Variants in ETNPPL observed in about 807,000 individuals in gnomAD.
ETNPPL encodes ethanolamine-phosphate phospho-lyase, also known as alanine--glyoxylate aminotransferase 2-like 1.
In ETNPPL, 30 loss-of-function variants were observed where a neutral mutation model predicts 55.5. The observed-to-expected ratio is 0.54, with a 90% CI of 0.40 to 0.73. ETNPPL has a LOEUF of 0.73. ETNPPL is among the 30% of genes least tolerant of loss of function. The pLI, the probability that ETNPPL is intolerant of heterozygous loss-of-function variation, is 0.00. For missense variants in ETNPPL, 528 were observed against 607.9 expected (o/e 0.87, Z 1.38); for synonymous variants, 202 against 207.2 (o/e 0.98, Z 0.21).
chr4:108,745,057 A>G (rs1728404907), intron 11 of ETNPPL, among the ~76,000 whole-genome samples: 1 of 152,190 alleles, frequency 6.6e-6, no homozygotes, highest in South Asian at 2.1e-4. Flanking sequence ...TAACTAAAGC[A>G]AAAACGACAA....
Position 108,752,929 on chromosome 4 carries a change from T to G in ETNPPL, c.584A>C (p.Lys195Thr). Residue 195 changes from lysine to threonine, a missense_variant, in exon 6 of 13, where the codon AAA becomes ACA. Lys to Thr is a moderately conservative substitution (Grantham distance 78, BLOSUM62 -1). Transcript: ENST00000296486. ...SASAYADEVKKIIEDAHNSGR... is the reference protein window; with the variant it reads ...SASAYADEVKTIIEDAHNSGR... ...ACTGTTATGAGCATCTTCAATGATT[T>G]TCTTCACTTCATCTGCATAAGCACT... 6.2e-7 allele frequency: 1 copy of G among 1,610,834 alleles called. No homozygotes were observed. Among genetic ancestry groups the G allele is most frequent in the Non-Finnish European group, 8.5e-7 (1 of 1,177,448 alleles).
chr4:108,758,638 A>T (rs1729344936), intron 3 of ETNPPL, among the ~76,000 whole-genome samples: 1 of 152,296 alleles, frequency 6.6e-6, no homozygotes, highest in South Asian at 2.1e-4. Flanking sequence ...AGGCAGCCCG[A>T]GGTGCCTGCC....
At chr4:108,749,572 C>A (rs1728798749) in intron 7 of ETNPPL, 109 bp from the exon 8 acceptor site, 2 of 764,900 alleles carry the variant, frequency 2.6e-6, no homozygotes, top group Admixed American at 2.7e-5. Flanking sequence ...TAACCTGAAG[C>A]CTTAATTTTT....
intron 3 of ETNPPL, among the ~76,000 whole-genome samples, chr4:108,757,789 A>C (rs1729287910): frequency 6.6e-6 from 1 of 151,798 alleles, no homozygotes; most frequent in South Asian, 2.1e-4. Context: ...AAATACAAAA[A>C]TTAGCCCAGG....
In ETNPPL at chr4:108,763,027, C is replaced by T; in HGVS notation, c.-129G>A. On this transcript the variant is annotated 5_prime_UTR_variant, in exon 1 of 13. Transcript: ENST00000296486. The stretch of plus-strand genomic sequence containing the variant: ...TTATCCCTCCTGGCGTTCTCTTGCC[C>T]GGGGCGTCGGAGGTCACCGGTGGCG... 1.2e-6 allele frequency: 1 copy of T among 800,324 alleles called. No individual in the cohort carries two copies. Among genetic ancestry groups the T allele is most frequent in the South Asian group, 1.6e-5 (1 of 62,804 alleles). 49.6% of individuals were successfully genotyped at this position (800,324 alleles called of 1,614,324 possible).
chr4:108,744,053 G>A (rs957738051), intron 11 of ETNPPL, among the ~76,000 whole-genome samples, 197 bp from the exon 12 acceptor site: 5 of 152,238 alleles, frequency 3.3e-5, no homozygotes, highest in Admixed American at 2.6e-4. Flanking sequence ...ACAAGGTCAG[G>A]AGTTTGAGAC....
At chr4:108,762,807 C>G in intron 1 of ETNPPL, 36 bp downstream of exon 1, 2 of 1,611,350 alleles carry the variant, frequency 1.2e-6, no homozygotes, top group South Asian at 1.1e-5. Context: ...TTATTGCCCC[C>G]TCTCTGCACT....
intron 7 of ETNPPL, 124 bp downstream of exon 7, chr4:108,750,812 C>A (rs1305339031): frequency 5.4e-5 from 38 of 708,946 alleles, no homozygotes; most frequent in Non-Finnish European, 9.6e-5. Context: ...GGTTGGCAGG[C>A]ACTCAGGTGT....
intron 4 of ETNPPL, among the ~76,000 whole-genome samples, chr4:108,755,309 A>G (rs1013587219): frequency 1.3e-5 from 2 of 152,186 alleles, no homozygotes; most frequent in Non-Finnish European, 2.9e-5. Context: ...TTAACTCAAC[A>G]TGGATTAAAG....
chr4:108,756,466 C>A lies in ETNPPL; in HGVS notation c.362G>T (p.Arg121Leu). 2 of 1,613,990 alleles carry A rather than the reference C, an allele frequency of 1.2e-6. No individual in the cohort carries two copies. The highest frequency in any genetic ancestry group is 1.7e-6 in the Non-Finnish European group (2 of 1,179,878). ...SGSEANDLAL[R>L]LARQFRGHQD... is the part of the protein sequence containing the mutation. ...GTGGCCTCTGAACTGCCGAGCCAGG[C>A]GTAAGGCTAAGTCGTTGGCTTCGGA... The change falls in exon 4 of 13, where the codon CGC (arginine) becomes CTC (leucine). Residue 121 changes from arginine to leucine, a missense_variant. Transcript: ENST00000296486.
Position 108,742,280 on chromosome 4 carries a change from T to C in ETNPPL, c.*204A>G, listed in dbSNP as rs1361211750. ...TAGCTTCAGAAATCAACTAAGAAAA[T>C]TAACAGGCTAGAGTCTGAACTAATA... On this transcript the variant is annotated 3_prime_UTR_variant, in exon 13 of 13. Coordinates refer to ENST00000296486, the MANE Select transcript of ETNPPL (RefSeq NM_031279.4). 5.2e-5 allele frequency: 21 copies of C among 406,270 alleles called. No individual in the cohort carries two copies. Among genetic ancestry groups the C allele is most frequent in the Non-Finnish European group, 8.3e-5 (19 of 228,054 alleles). 25.2% of individuals were successfully genotyped at this position (406,270 alleles called of 1,614,324 possible).
intron 5 of ETNPPL, 119 bp downstream of exon 5, chr4:108,754,501 A>G: frequency 1.6e-6 from 1 of 641,198 alleles, no homozygotes; most frequent in South Asian, 2.0e-5. Context: ...AGCAAGCCAC[A>G]TAACTGCTCT....
intron 8 of ETNPPL, among the ~76,000 whole-genome samples, chr4:108,748,978 G>T (rs1728755749): frequency 6.6e-6 from 1 of 152,046 alleles, no homozygotes; most frequent in African/African-American, 2.4e-5. Context: ...CGGGTTGATA[G>T]GTGCAGCAAA....
At chr4:108,762,286 T>C (rs1356353939) in intron 1 of ETNPPL, 12 of 450,808 alleles carry the variant, frequency 2.7e-5, no homozygotes, top group Non-Finnish European at 8.9e-6. Context: ...GGGATCTAAA[T>C]AAAGTCTCTG....
At position 108,746,388 on chromosome 4, in the gene ETNPPL, C is replaced by T. The variant is rs370235584; in HGVS notation, c.1303+11G>A. On this transcript the variant is annotated intron_variant, in intron 11 of 12. Coordinates refer to ENST00000296486, the MANE Select transcript of ETNPPL (RefSeq NM_031279.4). The stretch of plus-strand genomic sequence containing the variant: ...GGAACAAGAAGACATCTTAAAGATC[C>T]ATGGACCCACCTGTTAGAATCCTAT... 8.1e-6 allele frequency: 13 copies of T among 1,609,542 alleles called. No individual in the cohort carries two copies. The African/African-American group carries it at 1.3e-4, about 17-fold the overall frequency.
At chr4:108,759,142 A>T (rs1404781541) in intron 3 of ETNPPL, among the ~76,000 whole-genome samples, 1 of 152,132 alleles carries the variant, frequency 6.6e-6, no homozygotes, top group African/African-American at 2.4e-5. Flanking sequence ...AAATATGCTC[A>T]ATTTTCAACA....
At position 108,756,434 on chromosome 4, in the gene ETNPPL, CA is replaced by C. The variant is rs1429193489; in HGVS notation, c.393del (p.Asp131GlufsTer2). 4 of 1,613,940 alleles carry C rather than the reference CA, an allele frequency of 2.5e-6. No individual in the cohort carries two copies. The highest frequency in any genetic ancestry group is 3.4e-6 in the Non-Finnish European group (4 of 1,179,762). On this transcript the variant is annotated frameshift_variant, in exon 4 of 13. Coordinates refer to ENST00000296486, the MANE Select transcript of ETNPPL (RefSeq NM_031279.4). LOFTEE classifies it high-confidence loss of function. ...RLARQFRGHQ[D>X]VITLDHAYHG... ...AAGACTTACTGGTCAAGAGTGATCA[CA>C]TCCTGGTGGCCTCTGAACTGCCGAG...
intron 9 of ETNPPL, among the ~76,000 whole-genome samples, chr4:108,747,148 AATAT>A (rs1333493207): frequency 5.6e-5 from 2 of 35,420 alleles, no homozygotes; most frequent in South Asian, 5.9e-4. Flanking sequence ...ATATATATAT[AATAT>A]ATATATATAT....
At chr4:108,756,332 C>G (rs1729193273) in intron 4 of ETNPPL, 86 bp downstream of exon 4, 1 of 863,626 alleles carries the variant, frequency 1.2e-6, no homozygotes. Flanking sequence ...CTTTCACATG[C>G]GTTCATGGTA....
Sources: allele counts gnomAD v4.1 joint callset (sites outside exome capture counted in the v4.1 genomes callset), GRCh38; gene constraint gnomAD v4.1.1; transcripts MANE v1.5; gene names NCBI Gene and HGNC (gene_info 2026-07-23, HGNC 2026-07-21).